The following CERS3 variants were observed in gnomAD, a reference collection of about 807,000 sequenced individuals.
The protein encoded by CERS3 is LAG1 homolog, ceramide synthase 3.
CERS3 carries 33 observed loss-of-function variants against 50.3 expected under a neutral mutation model. That is an observed-to-expected ratio of 0.66 (90% CI 0.50 to 0.88). The LOEUF is 0.88. Ranked by LOEUF, CERS3 falls within the 40% of genes least tolerant of loss-of-function variation. The pLI is 0.00. For missense variants in CERS3, 470 were observed against 460.3 expected (o/e 1.02, Z -0.19); for synonymous variants, 176 against 155.2 (o/e 1.13, Z -0.99).
chr15:100,520,382 TCC>T (rs2036607447), intron 2 of CERS3, among the ~76,000 whole-genome samples: 4 of 152,176 alleles, frequency 2.6e-5, no homozygotes, highest in Non-Finnish European at 2.9e-5. Flanking sequence ...GGTCTGAACC[TCC>T]AGAATTCCTG....
chr15:100,512,129 T>C (rs1033432814), intron 2 of CERS3, among the ~76,000 whole-genome samples: 1 of 152,210 alleles, frequency 6.6e-6, no homozygotes, highest in Non-Finnish European at 1.5e-5. Flanking sequence ...AGGAGCATCA[T>C]GAGTCTTTGC....
intron 4 of CERS3, among the ~76,000 whole-genome samples, chr15:100,487,897 C>T (rs905911002): frequency 1.3e-5 from 2 of 152,170 alleles, no homozygotes; most frequent in African/African-American, 2.4e-5. Flanking sequence ...AGATCTCTTC[C>T]AGAACTTACT....
intron 5 of CERS3, among the ~76,000 whole-genome samples, chr15:100,483,990 G>C (rs2035409478): frequency 1.3e-5 from 2 of 151,450 alleles, no homozygotes; most frequent in African/African-American, 4.9e-5. Context: ...CCATGGTCTT[G>C]ATCTCCTGAC....
At chr15:100,542,602 T>G (rs1052718597) in intron 1 of CERS3, among the ~76,000 whole-genome samples, 3 of 152,204 alleles carry the variant, frequency 2.0e-5, no homozygotes, top group Non-Finnish European at 4.4e-5. Flanking sequence ...AAAATACCAC[T>G]GAACTCTTCT....
At chr15:100,487,286 A>C (rs1331729764) in intron 4 of CERS3, among the ~76,000 whole-genome samples, 1 of 152,210 alleles carries the variant, frequency 6.6e-6, no homozygotes, top group Non-Finnish European at 1.5e-5. Context: ...GCACAAAGTT[A>C]ATGGTACAAA....
At chr15:100,433,779 G>A (rs1436637280) in intron 11 of CERS3, among the ~76,000 whole-genome samples, 1 of 152,224 alleles carries the variant, frequency 6.6e-6, no homozygotes, top group Non-Finnish European at 1.5e-5. Context: ...GACATGGCAG[G>A]AACAAATAGC....
intron 2 of CERS3, among the ~76,000 whole-genome samples, chr15:100,504,737 T>G (rs933171048): frequency 6.6e-6 from 1 of 152,118 alleles, no homozygotes; most frequent in Non-Finnish European, 1.5e-5. Flanking sequence ...AGACTTGATC[T>G]GGGTACAAAG....
At chr15:100,431,392 T>C (rs1375798452) in intron 11 of CERS3, among the ~76,000 whole-genome samples, 3 of 152,232 alleles carry the variant, frequency 2.0e-5, no homozygotes. Flanking sequence ...ATTTAAAGAA[T>C]TCTGTTTTTC....
At chr15:100,468,205 A>C (rs146724964) in intron 10 of CERS3, among the ~76,000 whole-genome samples, 1 of 152,322 alleles carries the variant, frequency 6.6e-6, no homozygotes, top group East Asian at 1.9e-4. Context: ...TTCTTTACTG[A>C]GTACCAGACA....
At chr15:100,408,652 C>T (rs2031242037) in intron 11 of CERS3, 1 of 152,092 alleles carries the variant, frequency 6.6e-6, no homozygotes, top group Non-Finnish European at 1.5e-5. Flanking sequence ...CTCTGGATTT[C>T]CCTGCGGTAA....
At chr15:100,479,631 C>T (rs1279546218) in intron 6 of CERS3, 153 bp from the exon 7 acceptor site, 2 of 614,190 alleles carry the variant, frequency 3.3e-6, no homozygotes, top group Admixed American at 3.1e-5. Context: ...TCTTTTGCTT[C>T]TATTGCACGT....
intron 2 of CERS3, among the ~76,000 whole-genome samples, chr15:100,520,168 G>A (rs1212506969): frequency 6.6e-6 from 1 of 152,180 alleles, no homozygotes; most frequent in Non-Finnish European, 1.5e-5. Context: ...CCTGGAGAAG[G>A]CCCAAAGAAG....
At chr15:100,442,172 T>C (rs2142155319) in intron 11 of CERS3, among the ~76,000 whole-genome samples, 1 of 152,260 alleles carries the variant, frequency 6.6e-6, no homozygotes, top group South Asian at 2.1e-4. Context: ...GTTTAGGCTC[T>C]TTTTCATCAA....
chr15:100,443,348 T>C (rs1431830200), intron 11 of CERS3, among the ~76,000 whole-genome samples: 1 of 150,714 alleles, frequency 6.6e-6, no homozygotes, highest in Non-Finnish European at 1.5e-5. Flanking sequence ...GCATGGCCTT[T>C]TAAAGCCTAT....
intron 11 of CERS3, among the ~76,000 whole-genome samples, chr15:100,435,008 A>G (rs1472693): frequency 0.97 from 147,142 of 152,258 alleles, 71,314 homozygotes; most frequent in Middle Eastern, 1. Context: ...TGTGGTTCTG[A>G]GGACATCACA....
Position 100,402,814 on chromosome 15 carries a change from C to A in CERS3, c.1051G>T (p.Glu351Ter), listed in dbSNP as rs1004558675. The stretch of plus-strand genomic sequence containing the variant: ...CCTTTGGTAGCCTCTTCTTCTTCCT[C>A]TTCCTCTTCCTCTTCATAATCCTCG... ...DDEDYEEEEE[E>*]EEEEATKGKE... The change falls in exon 12 of 12, where the codon GAG (glutamate) becomes TAG (stop). Residue 351 changes from glutamate (E) to a stop codon, truncating the protein, a stop_gained. Transcript: ENST00000679737. LOFTEE classifies it high-confidence loss of function. 1 of 1,613,616 alleles carries A rather than the reference C, an allele frequency of 6.2e-7. No homozygotes were observed. The highest frequency in any genetic ancestry group is 8.5e-7 in the Non-Finnish European group (1 of 1,179,744).
chr15:100,402,843 T>C lies in CERS3; in HGVS notation c.1022A>G (p.Asp341Gly). Residue 341 changes from aspartate (D) to glycine (G), a missense_variant, in exon 12 of 12, where the codon GAT becomes GGT. Transcript: ENST00000679737. ...FMKSIQDVRSDDEDYEEEEEE... is the reference protein window; with the variant it reads ...FMKSIQDVRSGDEDYEEEEEE... ...CTCTTCCTCTTCATAATCCTCGTCA[T>C]CACTCCTCACATCCTGGATGCTCTA... 6.2e-7 allele frequency: 1 copy of C among 1,607,698 alleles called. No homozygotes were observed. Among genetic ancestry groups the C allele is most frequent in the Non-Finnish European group, 8.5e-7 (1 of 1,176,376 alleles).
intron 1 of CERS3, chr15:100,544,353 TGACCTGCGCGGGGACACGGGCCCTCTCTC>T (rs2037287108): frequency 7.8e-6 from 1 of 127,446 alleles, no homozygotes; most frequent in African/African-American, 3.4e-5. Context: ...CTCTGGGCCT[TGACCTGCGCGGGGACACGGGCCCTCTCTC>T]GGCCTTGACC....
chr15:100,445,887 A>T (rs932996719), intron 11 of CERS3, among the ~76,000 whole-genome samples: 4 of 152,200 alleles, frequency 2.6e-5, no homozygotes, highest in Admixed American at 2.6e-4. Flanking sequence ...GCCGTAACTG[A>T]TGACAGTCCA....
Sources: allele counts gnomAD v4.1 joint callset (sites outside exome capture counted in the v4.1 genomes callset), GRCh38; gene constraint gnomAD v4.1.1; transcripts MANE v1.5; gene names NCBI Gene and HGNC (gene_info 2026-07-23, HGNC 2026-07-21).